SNX13: variants seen among roughly 807,000 people sequenced by gnomAD.
SNX13 encodes sorting nexin 13, also known as sorting nexin-13.
In SNX13, 45 loss-of-function variants were observed where a neutral mutation model predicts 133.6. The observed-to-expected ratio is 0.34, with a 90% CI of 0.27 to 0.43. The LOEUF (loss-of-function observed/expected upper bound fraction) is 0.43, where lower values mean the gene tolerates loss of function less well. Ranked by LOEUF, SNX13 falls within the 20% of genes least tolerant of loss-of-function variation. The probability of loss-of-function intolerance (pLI) is 1.00; values close to 1 mark genes in which losing one functional copy is unlikely to be tolerated. For synonymous variants in SNX13, 414 were observed against 373.9 expected (o/e 1.11, Z -1.24); for missense variants, 1,032 against 1,145.1 (o/e 0.90, Z 1.43).
intron 1 of SNX13, among the ~76,000 whole-genome samples, chr7:17,907,092 G>GA (rs904076303): frequency 2.0e-5 from 3 of 151,958 alleles, no homozygotes; most frequent in African/African-American, 4.8e-5. Context: ...CAAAATAATA[G>GA]AAAAAAATCC....
chr7:17,940,401 T>C lies in SNX13; in HGVS notation c.-106A>G, dbSNP rs952743755. 37 of 1,307,430 alleles carry C rather than the reference T, an allele frequency of 2.8e-5. No homozygotes were observed. The highest frequency in any genetic ancestry group is 3.8e-5 in the Non-Finnish European group (35 of 929,316). The allele number at this position is 1,307,430 out of a possible 1,614,324, so 81.0% of individuals were successfully genotyped here. The stretch of plus-strand genomic sequence containing the variant: ...CGCCGCCAACGGCGGCAACTGCTCC[T>C]TCAGTCTTCTCCCGGGCGGCGGTTT... On this transcript the variant is annotated 5_prime_UTR_variant, in exon 1 of 26. Transcript: ENST00000428135.
chr7:17,888,836 T>C (rs543821476), intron 5 of SNX13: 54 of 419,084 alleles, frequency 1.3e-4, no homozygotes, highest in Non-Finnish European at 2.4e-4. Flanking sequence ...TTATTTTACA[T>C]ATGAGAAAAA....
At chr7:17,909,850 G>A (rs1462591803) in intron 1 of SNX13, among the ~76,000 whole-genome samples, 1 of 152,184 alleles carries the variant, frequency 6.6e-6, no homozygotes, top group Non-Finnish European at 1.5e-5. Context: ...TGCACATCCT[G>A]CACATGTACC....
intron 22 of SNX13, among the ~76,000 whole-genome samples, chr7:17,801,060 A>ATATATC: frequency 7.1e-6 from 1 of 140,832 alleles, no homozygotes; most frequent in South Asian, 2.2e-4. Context: ...ATATATATAT[A>ATATATC]TCCTGATACA....
At chr7:17,804,786 T>A (rs1244869570) in intron 20 of SNX13, among the ~76,000 whole-genome samples, 1 of 151,904 alleles carries the variant, frequency 6.6e-6, no homozygotes, top group African/African-American at 2.4e-5. Context: ...GAAAACAAAT[T>A]ATGTTTCATG....
In SNX13 at chr7:17,830,064, C is replaced by A. The variant is rs1401042092; in HGVS notation, c.1598-17G>T. The A allele has an allele frequency of 6.7e-7, 1 of 1,498,240 alleles. No homozygotes were observed. Among genetic ancestry groups the A allele is most frequent in the Admixed American group, 2.1e-5 (1 of 48,498 alleles). The allele number at this position is 1,498,240 out of a possible 1,614,324, so 92.8% of individuals were successfully genotyped here. A position where few individuals can be genotyped will look rare whatever the true frequency, so the allele number is the denominator to read the frequency against. The stretch of plus-strand genomic sequence containing the variant: ...TAAAAGATTCTGCAGGGGGGAAATT[C>A]AACTTAGTATACAGCAAAAAACTTT... On this transcript the variant is annotated splice_polypyrimidine_tract_variant and intron_variant, in intron 15 of 25. Coordinates refer to ENST00000428135, the MANE Select transcript of SNX13 (RefSeq NM_015132.5).
intron 18 of SNX13, among the ~76,000 whole-genome samples, chr7:17,821,093 C>T (rs1787231897): frequency 6.6e-6 from 1 of 152,084 alleles, no homozygotes; most frequent in Non-Finnish European, 1.5e-5. Context: ...CACTGTTACA[C>T]TGCTGGATTA....
At chr7:17,858,012 A>G (rs1328739515) in intron 9 of SNX13, among the ~76,000 whole-genome samples, 1 of 152,224 alleles carries the variant, frequency 6.6e-6, no homozygotes, top group Non-Finnish European at 1.5e-5. Flanking sequence ...AATATTAGGT[A>G]TAGAAGGAAA....
chr7:17,877,401 C>A (rs540388834), intron 5 of SNX13, among the ~76,000 whole-genome samples: 2 of 152,110 alleles, frequency 1.3e-5, no homozygotes, highest in Non-Finnish European at 1.5e-5. Context: ...AAATCACAAT[C>A]TGTGTAAGCA....
chr7:17,864,738 T>C (rs1562801030), intron 9 of SNX13, among the ~76,000 whole-genome samples: 3 of 138,712 alleles, frequency 2.2e-5, no homozygotes, highest in African/African-American at 8.1e-5. Context: ...CAAGGATAAA[T>C]AAAGAGTCCT....
intron 15 of SNX13, 158 bp from the exon 16 acceptor site, chr7:17,830,205 T>C (rs1788333005): frequency 2.2e-6 from 2 of 907,110 alleles, no homozygotes; most frequent in South Asian, 5.2e-5. Flanking sequence ...TCCCAAAAAC[T>C]TGATCCCTTA....
Position 17,792,034 on chromosome 7 carries a change from C to T in SNX13, c.*2011G>A, listed in dbSNP as rs1318165400. 2 of 151,954 alleles carry T rather than the reference C, an allele frequency of 1.3e-5. No individual in the cohort carries two copies. 9.4% of individuals were successfully genotyped at this position (151,954 alleles called of 1,614,324 possible). A position where few individuals can be genotyped will look rare whatever the true frequency, so the allele number is the denominator to read the frequency against. ...TGCAATATTACATGACCTTTATTTCCCTAATTGATGGCCAGTGCTCCTCAC... is the reference window on the plus strand; with the variant it reads ...TGCAATATTACATGACCTTTATTTCTCTAATTGATGGCCAGTGCTCCTCAC... On this transcript the variant is annotated 3_prime_UTR_variant, in exon 26 of 26. Transcript: ENST00000428135.
intron 5 of SNX13, chr7:17,882,021 C>A (rs1403898448): frequency 6.6e-6 from 1 of 152,206 alleles, no homozygotes; most frequent in Non-Finnish European, 1.5e-5. Context: ...ATTTGACCTT[C>A]TTCACAAACA....
At chr7:17,862,934 T>C (rs1159937414) in intron 9 of SNX13, among the ~76,000 whole-genome samples, 1 of 152,080 alleles carries the variant, frequency 6.6e-6, no homozygotes, top group Non-Finnish European at 1.5e-5. Flanking sequence ...GAAAGTGGCA[T>C]TCAAAAGGGT....
At chr7:17,866,662 A>C (rs1589811) in intron 9 of SNX13, among the ~76,000 whole-genome samples, 233 of 152,290 alleles carry the variant, frequency 1.5e-3, no homozygotes, top group African/African-American at 5.2e-3. Context: ...AAACAAAACA[A>C]AGACTGAACT....
chr7:17,830,144 A>G (rs1788316290), intron 15 of SNX13, 97 bp from the exon 16 acceptor site: 1 of 1,118,916 alleles, frequency 8.9e-7, no homozygotes, highest in East Asian at 3.1e-5. Flanking sequence ...CACATAAGCC[A>G]AGATATAACA....
At position 17,934,199 on chromosome 7, in the gene SNX13, AG is replaced by A. The variant is rs752441033; in HGVS notation, c.12+6084del. Among the ~76,000 whole-genome samples the A allele has an allele frequency of 2.6e-5, 4 of 152,290 alleles. No homozygotes were observed. The East Asian group carries it at 7.7e-4, about 29-fold the overall frequency. On this transcript the variant is annotated intron_variant, in intron 1 of 25. Transcript: ENST00000428135. ...CGTTTCCTCTCCTTACACATATTTA[AG>A]GCTTTGTGACACCAAAATTAAACCT...
chr7:17,801,032 A>T (rs1348638220), intron 22 of SNX13, among the ~76,000 whole-genome samples: 4 of 19,858 alleles, frequency 2.0e-4, no homozygotes, highest in African/African-American at 5.9e-4. Flanking sequence ...ATATATATAT[A>T]TATATATATA....
chr7:17,919,901 C>T (rs1562525343), intron 1 of SNX13, among the ~76,000 whole-genome samples: 1 of 152,070 alleles, frequency 6.6e-6, no homozygotes, highest in Non-Finnish European at 1.5e-5. Flanking sequence ...GAGGCCAAGG[C>T]AGTAGGATCA....
Sources: allele counts gnomAD v4.1 joint callset (sites outside exome capture counted in the v4.1 genomes callset), GRCh38; gene constraint gnomAD v4.1.1; transcripts MANE v1.5; gene names NCBI Gene and HGNC (gene_info 2026-07-23, HGNC 2026-07-21).